Variants in SLC25A35 observed in about 807,000 individuals in gnomAD.
The protein encoded by SLC25A35 is solute carrier family 25 member 35, also known as solute carrier family 25, member 35.
SLC25A35 carries 32 observed loss-of-function variants against 30.5 expected under a neutral mutation model. That is an observed-to-expected ratio of 1.05 (90% CI 0.79 to 1.41). The LOEUF is 1.41. SLC25A35 is among the 40% of genes most tolerant of loss of function. The probability of loss-of-function intolerance (pLI) is 0.00; values close to 1 mark genes in which losing one functional copy is unlikely to be tolerated. For missense variants in SLC25A35, 369 were observed against 388.0 expected (o/e 0.95, Z 0.41); for synonymous variants, 142 against 158.1 (o/e 0.90, Z 0.77).
In SLC25A35 at chr17:8,295,324, C is replaced by T; in HGVS notation, c.-517G>A. 1 of 985,878 alleles carries T rather than the reference C, an allele frequency of 1.0e-6. No individual in the cohort carries two copies. Among genetic ancestry groups the T allele is most frequent in the Non-Finnish European group, 1.2e-6 (1 of 830,272 alleles). 61.1% of individuals were successfully genotyped at this position (985,878 alleles called of 1,614,324 possible). A position where few individuals can be genotyped will look rare whatever the true frequency, so the allele number is the denominator to read the frequency against. On this transcript the variant is annotated 5_prime_UTR_variant, in exon 1 of 5. Coordinates refer to ENST00000577745, the MANE Select transcript of SLC25A35 (RefSeq NM_001320870.2). ...CAGGAATGAGCGTCCCTGAGCGTCC[C>T]CAGGCAGCCACCGGAGCTCGCAGTA...
At chr17:8,290,002 G>C (rs1990359987), downstream of SLC25A35, 1 of 1,608,900 alleles carries the variant, frequency 6.2e-7, no homozygotes, top group African/African-American at 1.3e-5. Context: ...GGGGAAAAGA[G>C]GTTGAAAAGA....
chr17:8,287,892 G>T (rs1468965516), downstream of SLC25A35: 1 of 152,154 alleles, frequency 6.6e-6, no homozygotes, highest in Non-Finnish European at 1.5e-5. Context: ...TAATACCCAG[G>T]TTGGCTCTCA....
downstream of SLC25A35, chr17:8,288,661 A>T: frequency 9.1e-7 from 1 of 1,102,348 alleles, no homozygotes; most frequent in Non-Finnish European, 1.4e-6. Flanking sequence ...GCCAAATCTT[A>T]AAGGATCCGG....
At chr17:8,289,979 T>C (rs758784661), downstream of SLC25A35, 20 of 1,612,836 alleles carry the variant, frequency 1.2e-5, no homozygotes, top group Non-Finnish European at 1.7e-5. Context: ...ACTTGGGGAC[T>C]CGGTTCTGTG....
chr17:8,295,310 G>T lies in SLC25A35; in HGVS notation c.-503C>A, dbSNP rs1301108928. 3 of 985,960 alleles carry T rather than the reference G, an allele frequency of 3.0e-6. No homozygotes were observed. The African/African-American group carries it at 5.2e-5, about 17-fold the overall frequency. The allele number at this position is 985,960 out of a possible 1,614,324, so 61.1% of individuals were successfully genotyped here. ...GTCAGGACTCTGGCCAGGAATGAGC[G>T]TCCCTGAGCGTCCCCAGGCAGCCAC... On this transcript the variant is annotated 5_prime_UTR_variant, in exon 1 of 5. Transcript: ENST00000577745.
rs1206562935 is a variant in SLC25A35 at position 8,295,265 on chromosome 17, G to C, written c.-458C>G. On this transcript the variant is annotated 5_prime_UTR_variant, in exon 1 of 5. In the 5' UTR this introduces an upstream ATG that the reference lacks. Coordinates refer to ENST00000577745, the MANE Select transcript of SLC25A35 (RefSeq NM_001320870.2). ...GGTGATTTCCTCGAGCCAGCAACGA[G>C]ATCTCGATCCGAGAAAGAAGTCAGG... 7 of 988,466 alleles carry C rather than the reference G, an allele frequency of 7.1e-6. No homozygotes were observed. Among genetic ancestry groups the C allele is most frequent in the Admixed American group, 1.2e-4 (2 of 16,442 alleles). The allele number at this position is 988,466 out of a possible 1,614,324, so 61.2% of individuals were successfully genotyped here.
At chr17:8,293,984 C>T (rs376711598) in intron 1 of SLC25A35, among the ~76,000 whole-genome samples, 3 of 145,908 alleles carry the variant, frequency 2.1e-5, no homozygotes, top group African/African-American at 7.7e-5. Flanking sequence ...GACCGGATCT[C>T]GGCTCACTGC....
At chr17:8,289,180 A>G, downstream of SLC25A35, 1 of 1,600,884 alleles carries the variant, frequency 6.2e-7, no homozygotes, top group Non-Finnish European at 8.5e-7. Context: ...ACGGGCCGGG[A>G]GCCAGGCCTG....
chr17:8,291,949 C>T (rs932841640), intron 2 of SLC25A35, among the ~76,000 whole-genome samples: 9 of 151,836 alleles, frequency 5.9e-5, no homozygotes, highest in African/African-American at 9.7e-5. Flanking sequence ...TTTGGGAGGC[C>T]GAGGCGGGCG....
chr17:8,294,449 C>A lies in SLC25A35; in HGVS notation c.359G>T (p.Gly120Val). The A allele has an allele frequency of 6.3e-7, 1 of 1,588,030 alleles. No homozygotes were observed. Among genetic ancestry groups the A allele is most frequent in the Non-Finnish European group, 8.6e-7 (1 of 1,167,610 alleles). Residue 120 changes from glycine (G) to valine (V), a missense_variant, in exon 1 of 5, where the codon GGG (glycine) becomes GTG (valine). Coordinates refer to ENST00000577745, the MANE Select transcript of SLC25A35 (RefSeq NM_001320870.2). ...TCTTCTTACCATGTAGATGGGGCTCCCCAAGTAGGCTCCCATGACCCCAGC... is the reference window on the plus strand; with the variant it reads ...TCTTCTTACCATGTAGATGGGGCTCACCAAGTAGGCTCCCATGACCCCAGC... Reference protein sequence around the residue: ...AMAGVMGAYLGSPIYMVKTHL... With the variant: ...AMAGVMGAYLVSPIYMVKTHL...
intron 4 of SLC25A35, 44 bp downstream of exon 4, chr17:8,290,798 C>G (rs759599587): frequency 6.2e-7 from 1 of 1,607,502 alleles, no homozygotes; most frequent in Non-Finnish European, 8.5e-7. Context: ...AATCTGCCTT[C>G]CCCATCCCCT....
chr17:8,291,121 G>A, intron 3 of SLC25A35, 145 bp from the exon 4 acceptor site: 1 of 1,324,578 alleles, frequency 7.5e-7, no homozygotes, highest in Non-Finnish European at 1.0e-6. Flanking sequence ...ACAGTGAGAA[G>A]GAGGAAGGCC....
At chr17:8,287,885 TA>T (rs1023022485), downstream of SLC25A35, 3 of 152,170 alleles carry the variant, frequency 2.0e-5, no homozygotes, top group African/African-American at 7.2e-5. Flanking sequence ...AGATTTCTAA[TA>T]CCCAGGTTGG....
Position 8,290,478 on chromosome 17 carries a change from A to C in SLC25A35, c.*27T>G. The stretch of plus-strand genomic sequence containing the variant: ...AGGCACAAGTGGCCAAGGAGTGCTC[A>C]TTTGGTGGAGACTGGGAAAGCGGCT... On this transcript the variant is annotated 3_prime_UTR_variant, in exon 5 of 5. Coordinates refer to ENST00000577745, the MANE Select transcript of SLC25A35 (RefSeq NM_001320870.2). 1 of 1,533,946 alleles carries C rather than the reference A, an allele frequency of 6.5e-7. No homozygotes were observed. The highest frequency in any genetic ancestry group is 8.7e-7 in the Non-Finnish European group (1 of 1,145,642).
downstream of SLC25A35, chr17:8,289,176 C>A (rs939582974): frequency 2.2e-5 from 36 of 1,601,990 alleles, no homozygotes; most frequent in Admixed American, 5.3e-4. Flanking sequence ...ACGCACGGGC[C>A]GGGAGCCAGG....
chr17:8,289,978 C>T, downstream of SLC25A35: 1 of 1,612,908 alleles, frequency 6.2e-7, no homozygotes, highest in Non-Finnish European at 8.5e-7. Context: ...AACTTGGGGA[C>T]TCGGTTCTGT....
At chr17:8,289,115 C>A, downstream of SLC25A35, 3 of 1,605,534 alleles carry the variant, frequency 1.9e-6, no homozygotes, top group Non-Finnish European at 2.6e-6. Context: ...GGGGCGGGGT[C>A]GGACCAGTGG....
rs1208778520 is a variant in SLC25A35 at position 8,291,493 on chromosome 17, G to A, written c.442-8C>T. ...TAGCGCCTGAAACATGCCCTAGTGT[G>A]GGGAAGACCGGGGGTGGGGTTCAGA... On this transcript the variant is annotated splice_polypyrimidine_tract_variant and splice_region_variant and intron_variant, in intron 2 of 4. Transcript: ENST00000577745. 1 of 1,604,570 alleles carries A rather than the reference G, an allele frequency of 6.2e-7. No individual in the cohort carries two copies. The highest frequency in any genetic ancestry group is 2.3e-5 in the East Asian group (1 of 44,396).
chr17:8,294,479 G>A lies in SLC25A35; in HGVS notation c.329C>T (p.Ala110Val), dbSNP rs748420903. The change falls in exon 1 of 5, where the codon GCC (alanine) becomes GTC (valine). Residue 110 changes from alanine (A) to valine (V), a missense_variant. Ala to Val is a moderately conservative substitution (Grantham distance 64). Transcript: ENST00000577745. Reference protein sequence around the residue: ...HSPARSAAAGAMAGVMGAYLG... With the variant: ...HSPARSAAAGVMAGVMGAYLG... ...GTAGGCTCCCATGACCCCAGCCATG[G>A]CCCCAGCTGCTGCGCTGCGGGCAGG... The A allele has an allele frequency of 1.2e-6, 2 of 1,607,876 alleles. No individual in the cohort carries two copies. The highest frequency in any genetic ancestry group is 1.7e-6 in the Non-Finnish European group (2 of 1,177,156).
Sources: gnomAD v4.1 joint callset for allele counts (sites outside exome capture counted in the v4.1 genomes callset) on GRCh38, gnomAD v4.1.1 for gene constraint, MANE v1.5 for transcripts, NCBI Gene and HGNC (gene_info 2026-07-23, HGNC 2026-07-21) for gene names.